The following MPP7 variants were observed in gnomAD, a reference collection of about 807,000 sequenced individuals.
The protein encoded by MPP7 is MAGUK p55 scaffold protein 7.
Under a neutral mutation model 76.5 loss-of-function variants are expected in MPP7, and 60 were observed. The observed-to-expected ratio is 0.78, with a 90% CI of 0.64 to 0.97. The LOEUF is 0.97. MPP7 is among the 50% of genes least tolerant of loss of function. MPP7 has a pLI of 0.00. For missense variants in MPP7, 641 were observed against 694.0 expected (o/e 0.92, Z 0.86); for synonymous variants, 237 against 244.5 (o/e 0.97, Z 0.29).
intron 1 of MPP7, among the ~76,000 whole-genome samples, chr10:28,275,417 T>C (rs1376661067): frequency 6.6e-6 from 1 of 151,538 alleles, no homozygotes; most frequent in Non-Finnish European, 1.5e-5. Context: ...TTTCTTTTTT[T>C]TTTTTTTCAT....
intron 1 of MPP7, among the ~76,000 whole-genome samples, chr10:28,301,870 A>G (rs1372469452): frequency 6.6e-6 from 1 of 152,224 alleles, no homozygotes; most frequent in Non-Finnish European, 1.5e-5. Flanking sequence ...ACCTTCATCA[A>G]TTCACTTGTA....
At chr10:28,246,303 T>A (rs1027952730) in intron 1 of MPP7, among the ~76,000 whole-genome samples, 1 of 149,328 alleles carries the variant, frequency 6.7e-6, no homozygotes, top group African/African-American at 2.4e-5. Context: ...ACAATCAAAG[T>A]GGTGAAAAAA....
intron 4 of MPP7, 90 bp from the exon 5 acceptor site, chr10:28,147,653 G>A: frequency 9.2e-7 from 1 of 1,088,388 alleles, no homozygotes; most frequent in South Asian, 1.3e-5. Flanking sequence ...ACTTGCTCAA[G>A]GCTATTACTT....
intron 1 of MPP7, among the ~76,000 whole-genome samples, chr10:28,275,973 G>C (rs1001160908): frequency 6.6e-6 from 1 of 151,482 alleles, no homozygotes; most frequent in Admixed American, 6.6e-5. Flanking sequence ...GCACATAGTA[G>C]GTCTGCAATA....
chr10:28,295,424 T>C (rs1422820800), intron 1 of MPP7, among the ~76,000 whole-genome samples: 2 of 151,960 alleles, frequency 1.3e-5, no homozygotes, highest in Non-Finnish European at 2.9e-5. Context: ...GAAGCCATAA[T>C]AGGAAGAGAA....
chr10:28,248,728 T>C (rs951496438), intron 1 of MPP7, among the ~76,000 whole-genome samples: 4 of 152,218 alleles, frequency 2.6e-5, no homozygotes, highest in African/African-American at 9.6e-5. Context: ...TAGGTATGTT[T>C]AGATACACAA....
chr10:28,333,606 G>A (rs971812280), intron 1 of MPP7, among the ~76,000 whole-genome samples: 2 of 152,162 alleles, frequency 1.3e-5, no homozygotes, highest in African/African-American at 2.4e-5. Flanking sequence ...ACAACAAGCA[G>A]GAAATACTGC....
chr10:28,221,740 A>G (rs906182591), intron 2 of MPP7, among the ~76,000 whole-genome samples: 4 of 152,200 alleles, frequency 2.6e-5, no homozygotes, highest in African/African-American at 9.7e-5. Flanking sequence ...TACCTTAGGT[A>G]GTCTGTGCCT....
intron 1 of MPP7, among the ~76,000 whole-genome samples, chr10:28,268,887 C>T (rs944522079): frequency 2.0e-5 from 3 of 151,954 alleles, no homozygotes; most frequent in African/African-American, 7.3e-5. Context: ...CCACTGCACT[C>T]CAGCCTGGGC....
At chr10:28,198,898 T>C (rs77390550) in intron 3 of MPP7, among the ~76,000 whole-genome samples, 3 of 152,280 alleles carry the variant, frequency 2.0e-5, no homozygotes, top group East Asian at 3.9e-4. Context: ...TCCTTCTATT[T>C]CCACCCTCAT....
At chr10:28,246,846 C>T (rs1226267949) in intron 1 of MPP7, among the ~76,000 whole-genome samples, 2 of 151,994 alleles carry the variant, frequency 1.3e-5, no homozygotes, top group Non-Finnish European at 2.9e-5. Context: ...GATTTGGGTA[C>T]GGACACAGAA....
At chr10:28,107,673 C>G (rs1834368181) in intron 11 of MPP7, among the ~76,000 whole-genome samples, 1 of 152,122 alleles carries the variant, frequency 6.6e-6, no homozygotes, top group Admixed American at 6.5e-5. Context: ...ACTGCATGGG[C>G]TAGCTTTGCG....
At chr10:28,281,171 C>A (rs1840660733) in intron 1 of MPP7, among the ~76,000 whole-genome samples, 1 of 151,892 alleles carries the variant, frequency 6.6e-6, no homozygotes, top group Non-Finnish European at 1.5e-5. Context: ...CCTCTGCCTC[C>A]CAGGTTCAAG....
chr10:28,179,516 C>T (rs1439818351), intron 3 of MPP7, among the ~76,000 whole-genome samples: 1 of 152,118 alleles, frequency 6.6e-6, no homozygotes, highest in Non-Finnish European at 1.5e-5. Context: ...AAATATCATA[C>T]ATTAATAATA....
At chr10:28,163,903 A>G (rs1345869222) in intron 3 of MPP7, among the ~76,000 whole-genome samples, 4 of 113,278 alleles carry the variant, frequency 3.5e-5, no homozygotes, top group African/African-American at 7.2e-5. Context: ...AAAACTCCAG[A>G]GCTCCATCTC....
intron 11 of MPP7, among the ~76,000 whole-genome samples, chr10:28,091,539 C>A (rs1476463156): frequency 6.6e-6 from 1 of 152,178 alleles, no homozygotes. Flanking sequence ...CCGCCCTTCT[C>A]AGCCTCCCAA....
At chr10:28,258,143 T>C (rs1343885532) in intron 1 of MPP7, among the ~76,000 whole-genome samples, 1 of 151,704 alleles carries the variant, frequency 6.6e-6, no homozygotes, top group African/African-American at 2.4e-5. Context: ...CATCCCAGAT[T>C]CTATAAGAAG....
intron 1 of MPP7, among the ~76,000 whole-genome samples, chr10:28,262,192 T>TATATATATACAC (rs1839977031): frequency 1.0e-4 from 2 of 19,106 alleles, no homozygotes; most frequent in Non-Finnish European, 2.4e-4. Context: ...AAATTATATA[T>TATATATATACAC]ATATATATAT....
rs377567939 is a variant in MPP7, at chr10:28,089,732, G to C, written c.1062C>G (p.Tyr354Ter). 2.5e-6 allele frequency: 4 copies of C among 1,613,712 alleles called. No individual in the cohort carries two copies. The East Asian group carries it at 8.9e-5, about 36-fold the overall frequency. ...DQYDTADVPT[Y>*]EEVTPYRRQT... ...GTCGCCGATACGGTGTCACTTCTTC[G>C]TATGTGGGTACGTCAGCTGTGTCGT... The change falls in exon 12 of 17, where the codon TAC (tyrosine) becomes TAG (stop). Residue 354 changes from tyrosine (Y) to a stop codon, truncating the protein, a stop_gained. Coordinates refer to ENST00000683449, the MANE Select transcript of MPP7 (RefSeq NM_001318170.2). LOFTEE classifies it high-confidence loss of function.
Sources: allele counts gnomAD v4.1 joint callset (sites outside exome capture counted in the v4.1 genomes callset), GRCh38; gene constraint gnomAD v4.1.1; transcripts MANE v1.5; gene names NCBI Gene and HGNC (gene_info 2026-07-23, HGNC 2026-07-21).